The following CAMKMT variants were observed in gnomAD, a reference collection of about 807,000 sequenced individuals.
CAMKMT encodes the protein calmodulin-lysine N-methyltransferase.
A neutral mutation model predicts 48.0 loss-of-function variants in CAMKMT; 53 were observed. That is an observed-to-expected ratio of 1.10 (90% CI 0.89 to 1.39). The LOEUF (loss-of-function observed/expected upper bound fraction) is 1.39. CAMKMT is among the 40% of genes most tolerant of loss of function. The pLI is 0.00. For missense variants in CAMKMT, 428 were observed against 402.7 expected (o/e 1.06, Z -0.54); for synonymous variants, 165 against 152.3 (o/e 1.08, Z -0.61).
At chr2:44,400,344 C>A (rs1682248448) in intron 3 of CAMKMT, among the ~76,000 whole-genome samples, 1 of 151,782 alleles carries the variant, frequency 6.6e-6, no homozygotes, top group Admixed American at 6.6e-5. Context: ...TTTTCAGTTT[C>A]TTTTAGAGAA....
chr2:44,491,458 A>G (rs1669501865), intron 3 of CAMKMT, among the ~76,000 whole-genome samples: 1 of 152,176 alleles, frequency 6.6e-6, no homozygotes, highest in South Asian at 2.1e-4. Flanking sequence ...TTGGTACACC[A>G]TTGGCTTCCA....
At chr2:44,383,530 G>C (rs1354674165) in intron 2 of CAMKMT, among the ~76,000 whole-genome samples, 2 of 152,010 alleles carry the variant, frequency 1.3e-5, no homozygotes, top group Non-Finnish European at 2.9e-5. Flanking sequence ...GGTGGTATTT[G>C]GTTGCATAAG....
intron 3 of CAMKMT, among the ~76,000 whole-genome samples, chr2:44,643,338 C>G (rs1020486907): frequency 6.6e-6 from 1 of 152,054 alleles, no homozygotes; most frequent in Non-Finnish European, 1.5e-5. Context: ...CTGTATGGAA[C>G]TACTAACAAA....
chr2:44,505,181 G>C (rs1670197744), intron 3 of CAMKMT, among the ~76,000 whole-genome samples: 1 of 152,136 alleles, frequency 6.6e-6, no homozygotes, highest in Admixed American at 6.5e-5. Flanking sequence ...ATTTCAACAT[G>C]AGATTTGGAG....
intron 3 of CAMKMT, among the ~76,000 whole-genome samples, chr2:44,592,388 T>C (rs140610769): frequency 2.1e-4 from 32 of 152,268 alleles, no homozygotes; most frequent in African/African-American, 7.0e-4. Context: ...TAATTTTCCT[T>C]TATTATCTTT....
At chr2:44,390,684 G>T (rs887350205) in intron 3 of CAMKMT, among the ~76,000 whole-genome samples, 1 of 151,904 alleles carries the variant, frequency 6.6e-6, no homozygotes, top group Non-Finnish European at 1.5e-5. Flanking sequence ...GCTTTGTTTC[G>T]GGTGCTTTCT....
intron 2 of CAMKMT, among the ~76,000 whole-genome samples, chr2:44,389,753 A>C (rs1440713048): frequency 2.6e-5 from 4 of 152,202 alleles, no homozygotes; most frequent in Non-Finnish European, 5.9e-5. Flanking sequence ...AGATACAAAA[A>C]CTTTGCTCCC....
rs1277830351 is a variant in CAMKMT, at chr2:44,554,560, A to AG, written c.377-149723_377-149722insG. On this transcript the variant is annotated intron_variant, in intron 3 of 10. Transcript: ENST00000378494. Reference sequence around the variant, plus strand: ...AGACCAGCCTGGGCAGCATAGTGAGACCCTGTTCCTACAAAAATTTAAAAA... The same window carrying AG: ...AGACCAGCCTGGGCAGCATAGTGAGAGCCCTGTTCCTACAAAAATTTAAAAA... Among the ~76,000 whole-genome samples, 4 of 152,126 alleles carry AG rather than the reference A, an allele frequency of 2.6e-5. No homozygotes were observed. The South Asian group carries it at 8.3e-4, about 32-fold the overall frequency.
chr2:44,538,996 GTGTGT>G (rs1666940760), intron 3 of CAMKMT, among the ~76,000 whole-genome samples: 1 of 133,134 alleles, frequency 7.5e-6, no homozygotes, highest in South Asian at 2.4e-4. Context: ...GTGTGTGTGT[GTGTGT>G]GTATGTATAT....
intron 2 of CAMKMT, among the ~76,000 whole-genome samples, chr2:44,388,860 A>G (rs1681036738): frequency 6.6e-6 from 1 of 151,954 alleles, no homozygotes; most frequent in Non-Finnish European, 1.5e-5. Flanking sequence ...TGAACTGTCT[A>G]TGGGTCTCTT....
At chr2:44,532,528 A>G (rs1342034531) in intron 3 of CAMKMT, among the ~76,000 whole-genome samples, 1 of 152,242 alleles carries the variant, frequency 6.6e-6, no homozygotes, top group Non-Finnish European at 1.5e-5. Context: ...TTAGATGAGT[A>G]TGACAATTTG....
intron 3 of CAMKMT, among the ~76,000 whole-genome samples, chr2:44,605,351 A>G (rs1180264197): frequency 6.6e-6 from 1 of 152,026 alleles, no homozygotes; most frequent in Non-Finnish European, 1.5e-5. Context: ...ACTGTAGCAC[A>G]TTTTTTTGAA....
At chr2:44,494,076 A>C (rs965395942) in intron 3 of CAMKMT, among the ~76,000 whole-genome samples, 2 of 152,236 alleles carry the variant, frequency 1.3e-5, no homozygotes, top group Non-Finnish European at 2.9e-5. Flanking sequence ...AATGTGTTAC[A>C]TTAAAGTGCA....
chr2:44,742,795 C>G (rs533707159), intron 7 of CAMKMT, among the ~76,000 whole-genome samples: 3 of 152,042 alleles, frequency 2.0e-5, no homozygotes, highest in Admixed American at 6.6e-5. Context: ...GCAAATATAA[C>G]TGGGCAGGGT....
chr2:44,633,125 A>G (rs773098302), intron 3 of CAMKMT, among the ~76,000 whole-genome samples: 12 of 151,946 alleles, frequency 7.9e-5, no homozygotes, highest in African/African-American at 2.7e-4. Flanking sequence ...CCTGGCTTCT[A>G]TTATTTCTGA....
intron 3 of CAMKMT, among the ~76,000 whole-genome samples, chr2:44,608,529 CTTGTG>C (rs1157664606): frequency 1.3e-5 from 2 of 152,014 alleles, no homozygotes; most frequent in African/African-American, 4.8e-5. Flanking sequence ...TTATCGTTTT[CTTGTG>C]TTGGGAACAT....
chr2:44,693,602 C>A (rs928110193), intron 3 of CAMKMT, among the ~76,000 whole-genome samples: 11 of 152,204 alleles, frequency 7.2e-5, no homozygotes, highest in African/African-American at 2.7e-4. Context: ...TCCACAGGAC[C>A]CGAAACATTG....
chr2:44,708,823 G>C (rs369487773), intron 6 of CAMKMT, among the ~76,000 whole-genome samples: 3 of 152,018 alleles, frequency 2.0e-5, no homozygotes, highest in Non-Finnish European at 4.4e-5. Context: ...TTTAGAGGGT[G>C]GGGGGAGCAG....
chr2:44,601,727 G>A (rs1671004534), intron 3 of CAMKMT, among the ~76,000 whole-genome samples: 1 of 151,150 alleles, frequency 6.6e-6, no homozygotes, highest in Non-Finnish European at 1.5e-5. Flanking sequence ...GAATACCTTT[G>A]TTTTTTTAAG....
Sources: gnomAD v4.1 joint callset for allele counts (sites outside exome capture counted in the v4.1 genomes callset) on GRCh38, gnomAD v4.1.1 for gene constraint, MANE v1.5 for transcripts, NCBI Gene and HGNC (gene_info 2026-07-23, HGNC 2026-07-21) for gene names.